The following SV2C variants were observed in gnomAD, a reference collection of about 807,000 sequenced individuals.
The protein encoded by SV2C is synaptic vesicle glycoprotein 2C.
SV2C carries 49 observed loss-of-function variants against 79.7 expected under a neutral mutation model. The observed-to-expected ratio is 0.61, with a 90% confidence interval of 0.49 to 0.78. SV2C has a LOEUF of 0.78. Among genes scored for constraint, SV2C ranks in the 30% least tolerant of loss-of-function variants. SV2C has a pLI of 0.00. For synonymous variants in SV2C, 334 were observed against 333.2 expected (o/e 1.00, Z -0.03); for missense variants, 833 against 912.9 (o/e 0.91, Z 1.13).
At chr5:76,245,206 T>C (rs1349306016) in intron 4 of SV2C, among the ~76,000 whole-genome samples, 1 of 152,208 alleles carries the variant, frequency 6.6e-6, no homozygotes, top group Non-Finnish European at 1.5e-5. Flanking sequence ...CCAGGAGCTG[T>C]CACTGTTAAT....
downstream of SV2C, among the ~76,000 whole-genome samples, chr5:76,338,419 A>G (rs1008793040): frequency 6.6e-6 from 1 of 152,244 alleles, no homozygotes; most frequent in Non-Finnish European, 1.5e-5. Flanking sequence ...AGGAAACTGC[A>G]TCAGCAAATT....
the SV2C span, among the ~76,000 whole-genome samples, chr5:75,925,893 C>A: frequency 6.6e-6 from 1 of 152,174 alleles, no homozygotes; most frequent in East Asian, 1.9e-4. Flanking sequence ...AGCTGGACAA[C>A]AAGTTAATCT....
intron 2 of SV2C, among the ~76,000 whole-genome samples, chr5:76,136,835 G>A (rs193235194): frequency 1.3e-5 from 2 of 152,302 alleles, no homozygotes; most frequent in East Asian, 3.9e-4. Flanking sequence ...GACTTGGTAG[G>A]CAATTATGTG....
chr5:76,044,583 A>G, the SV2C span, among the ~76,000 whole-genome samples: 2 of 152,116 alleles, frequency 1.3e-5, no homozygotes, highest in African/African-American at 2.4e-5. Flanking sequence ...TTGTTTCTTG[A>G]CTTTTTAATG....
At chr5:76,321,614 G>A (rs1490318666) in intron 12 of SV2C, among the ~76,000 whole-genome samples, 1 of 151,792 alleles carries the variant, frequency 6.6e-6, no homozygotes, top group Non-Finnish European at 1.5e-5. Context: ...GGTGGTGCAC[G>A]CCTGTAGTCC....
At chr5:75,970,389 GT>G in the SV2C span, among the ~76,000 whole-genome samples, 1 of 152,014 alleles carries the variant, frequency 6.6e-6, no homozygotes, top group Non-Finnish European at 1.5e-5. Flanking sequence ...CCAGGAGCTG[GT>G]TTTTTGAAAA....
At chr5:76,255,216 G>A (rs959693579) in intron 4 of SV2C, among the ~76,000 whole-genome samples, 1 of 152,174 alleles carries the variant, frequency 6.6e-6, no homozygotes, top group African/African-American at 2.4e-5. Flanking sequence ...TTATTTTCCT[G>A]CCAGGGATTT....
intron 2 of SV2C, among the ~76,000 whole-genome samples, chr5:76,169,885 A>G (rs1743163230): frequency 1.3e-5 from 2 of 152,304 alleles, no homozygotes; most frequent in Admixed American, 6.5e-5. Flanking sequence ...GGTAGTAAAA[A>G]AGTGGTTTCC....
chr5:76,229,559 GTTCTTTGTCACT>G (rs980383308), intron 4 of SV2C, among the ~76,000 whole-genome samples: 1 of 152,184 alleles, frequency 6.6e-6, no homozygotes, highest in African/African-American at 2.4e-5. Context: ...CTGTACATAA[GTTCTTTGTCACT>G]TTCTGATGAA....
At chr5:76,347,504 G>T (rs892183875) in intron 12 of SV2C, among the ~76,000 whole-genome samples, 5 of 152,134 alleles carry the variant, frequency 3.3e-5, no homozygotes, top group African/African-American at 9.7e-5. Context: ...GAGTGCAGGG[G>T]TGCAGTCTCC....
the SV2C span, among the ~76,000 whole-genome samples, chr5:76,054,808 G>A: frequency 2.7e-4 from 41 of 152,194 alleles, no homozygotes; most frequent in African/African-American, 9.4e-4. Flanking sequence ...ACAAGTGTCT[G>A]TTCATATCCT....
the SV2C span, among the ~76,000 whole-genome samples, chr5:76,061,427 A>C: frequency 6.6e-6 from 1 of 152,126 alleles, no homozygotes; most frequent in African/African-American, 2.4e-5. Context: ...TCACTGCGTT[A>C]CCTTTGTTAC....
chr5:76,209,054 A>G (rs898743141), intron 3 of SV2C, among the ~76,000 whole-genome samples: 2 of 152,242 alleles, frequency 1.3e-5, no homozygotes, highest in Admixed American at 1.3e-4. Context: ...GCTCCTACTG[A>G]AAGGAAGCAT....
downstream of SV2C, among the ~76,000 whole-genome samples, chr5:76,335,788 C>G (rs529565840): frequency 6.8e-4 from 104 of 152,308 alleles, no homozygotes; most frequent in Non-Finnish European, 1.3e-3. Flanking sequence ...TTTCTTAGTA[C>G]AGAACAAAAT....
intron 12 of SV2C, among the ~76,000 whole-genome samples, chr5:76,345,326 G>A (rs947178469): frequency 5.9e-5 from 9 of 152,204 alleles, no homozygotes; most frequent in Admixed American, 1.3e-4. Flanking sequence ...TTGATCAGTC[G>A]CCATGTGCAT....
chr5:75,957,281 A>C, the SV2C span, among the ~76,000 whole-genome samples: 1 of 151,982 alleles, frequency 6.6e-6, no homozygotes, highest in Non-Finnish European at 1.5e-5. Context: ...GGGATACAGA[A>C]ATGTTGGTTC....
chr5:75,976,255 T>C, the SV2C span, among the ~76,000 whole-genome samples: 1 of 152,328 alleles, frequency 6.6e-6, no homozygotes, highest in Middle Eastern at 3.4e-3. Flanking sequence ...AGAGATGTTT[T>C]CAGATTTCAT....
the SV2C span, among the ~76,000 whole-genome samples, chr5:76,030,094 G>A: frequency 3.3e-5 from 5 of 151,966 alleles, no homozygotes; most frequent in Non-Finnish European, 5.9e-5. Context: ...GGATTTTAAT[G>A]ATTACCTATT....
chr5:76,260,437 T>C (rs1348915305), intron 4 of SV2C, among the ~76,000 whole-genome samples: 1 of 152,220 alleles, frequency 6.6e-6, no homozygotes, highest in African/African-American at 2.4e-5. Context: ...GCAGAAGCTC[T>C]TTAGTTTAAT....
Sources: allele counts gnomAD v4.1 joint callset (sites outside exome capture counted in the v4.1 genomes callset), GRCh38; gene constraint gnomAD v4.1.1; transcripts MANE v1.5; gene names NCBI Gene and HGNC (gene_info 2026-07-23, HGNC 2026-07-21).